The following AJAP1 variants were observed in gnomAD, a reference collection of about 807,000 sequenced individuals.
The protein encoded by AJAP1 is adherens junction-associated protein 1.
Under a neutral mutation model 35.0 loss-of-function variants are expected in AJAP1, and 5 were observed. That is an observed-to-expected ratio of 0.14 (90% confidence interval 0.07 to 0.30). The LOEUF is 0.30. AJAP1 is among the 10% of genes least tolerant of loss of function. The pLI, the probability that AJAP1 is intolerant of heterozygous loss-of-function variation, is 1.00. For missense variants in AJAP1, 586 were observed against 571.0 expected (o/e 1.03, Z -0.27); for synonymous variants, 284 against 249.3 (o/e 1.14, Z -1.31).
chr1:4,694,091 T>C (rs1639803088), intron 1 of AJAP1, among the ~76,000 whole-genome samples: 2 of 152,208 alleles, frequency 1.3e-5, no homozygotes, highest in Non-Finnish European at 2.9e-5. Flanking sequence ...GGGCTGCTCC[T>C]GGTGGCCACT....
intron 1 of AJAP1, among the ~76,000 whole-genome samples, chr1:4,706,124 G>C (rs574410098): frequency 3.9e-5 from 6 of 152,296 alleles, no homozygotes; most frequent in African/African-American, 1.4e-4. Context: ...GGGGACCGAG[G>C]GGTAGACCCT....
rs1288048557 is a variant in AJAP1, at chr1:4,752,787, G to C, written c.830-17066G>C. Among the ~76,000 whole-genome samples the C allele has an allele frequency of 4.6e-5, 7 of 152,302 alleles. No homozygotes were observed. In the East Asian group the frequency reaches 1.2e-3, roughly 25 times the overall value. ...TAATTTATTCTTCCAAGAAGAGTTT[G>C]CTTCTTGAAAGACAACTATAGAACC... On this transcript the variant is annotated intron_variant, in intron 2 of 5. Coordinates refer to ENST00000378191, the MANE Select transcript of AJAP1 (RefSeq NM_018836.4).
intron 1 of AJAP1, among the ~76,000 whole-genome samples, chr1:4,702,124 A>G (rs183532320): frequency 1.3e-5 from 2 of 151,500 alleles, no homozygotes; most frequent in African/African-American, 4.9e-5. Flanking sequence ...CAGTATTCCA[A>G]CGTGTCCCCA....
At chr1:4,725,017 C>A (rs1479626134) in intron 2 of AJAP1, among the ~76,000 whole-genome samples, 1 of 152,208 alleles carries the variant, frequency 6.6e-6, no homozygotes, top group Non-Finnish European at 1.5e-5. Context: ...CGCACACTGT[C>A]TGGCTCTGGA....
At chr1:4,747,425 GCCT>G (rs569521320) in intron 2 of AJAP1, among the ~76,000 whole-genome samples, 1 of 152,128 alleles carries the variant, frequency 6.6e-6, no homozygotes, top group South Asian at 2.1e-4. Flanking sequence ...GTTGGCCAGG[GCCT>G]CCTCCTCCTC....
rs1398719377 is a variant in AJAP1 at position 4,654,689 on chromosome 1, T to G, written c.-737T>G. 2.1e-5 allele frequency: 3 copies of G among 145,644 alleles called. No individual in the cohort carries two copies. The highest frequency in any genetic ancestry group is 4.6e-5 in the Non-Finnish European group (3 of 65,646). The allele number at this position is 145,644 out of a possible 1,614,324, so 9.0% of individuals were successfully genotyped here. ...GGGCGCGGGCGGCGGGGCCCCGGGA[T>G]CCCCGCGCGCCTCCTCCGCGCGGCG... On this transcript the variant is annotated 5_prime_UTR_variant, in exon 1 of 6. Transcript: ENST00000378191. The surrounding 1 kb of genome is among the most constrained non-coding windows in gnomAD (Gnocchi z 5.1).
intron 1 of AJAP1, among the ~76,000 whole-genome samples, chr1:4,707,313 C>A (rs981800599): frequency 6.6e-6 from 1 of 152,170 alleles, no homozygotes; most frequent in African/African-American, 2.4e-5. Context: ...TCACCTATTA[C>A]AAATGTACAG....
intron 2 of AJAP1, among the ~76,000 whole-genome samples, chr1:4,751,321 T>C (rs1401267835): frequency 6.6e-6 from 1 of 152,166 alleles, no homozygotes; most frequent in Non-Finnish European, 1.5e-5. Flanking sequence ...CGAATTCCGC[T>C]CAGTTCCAGA....
chr1:4,702,826 T>G (rs1208682483), intron 1 of AJAP1, among the ~76,000 whole-genome samples: 1 of 152,190 alleles, frequency 6.6e-6, no homozygotes, highest in African/African-American at 2.4e-5. Context: ...TCGTGGGCCT[T>G]GACCTCAGAG....
At chr1:4,700,066 G>A (rs904975518) in intron 1 of AJAP1, among the ~76,000 whole-genome samples, 4 of 152,312 alleles carry the variant, frequency 2.6e-5, no homozygotes, top group Admixed American at 6.5e-5. Context: ...TCCCCTGAGC[G>A]TCTTCCTGGC....
intron 2 of AJAP1, among the ~76,000 whole-genome samples, chr1:4,743,546 TCATC>T (rs1329476455): frequency 6.6e-6 from 1 of 152,172 alleles, no homozygotes; most frequent in Non-Finnish European, 1.5e-5. Flanking sequence ...GTTCATTCAT[TCATC>T]CATCCATCCA....
At chr1:4,776,202 C>T (rs1459553699) in intron 5 of AJAP1, among the ~76,000 whole-genome samples, 2 of 152,228 alleles carry the variant, frequency 1.3e-5, no homozygotes, top group Non-Finnish European at 2.9e-5. Context: ...TTGCCCAGTC[C>T]TCCCAGCAAT....
At chr1:4,717,003 A>AGT (rs1486742863) in intron 2 of AJAP1, among the ~76,000 whole-genome samples, 1 of 152,158 alleles carries the variant, frequency 6.6e-6, no homozygotes, top group Admixed American at 6.5e-5. Flanking sequence ...GCACTGGCAG[A>AGT]GTGTGACCGT....
At chr1:4,757,727 CTGCT>C (rs1480794370) in intron 2 of AJAP1, among the ~76,000 whole-genome samples, 1 of 152,232 alleles carries the variant, frequency 6.6e-6, no homozygotes. Flanking sequence ...GATGGGGACA[CTGCT>C]TGCTTTTGTT....
chr1:4,738,727 A>G (rs1000489211), intron 2 of AJAP1, among the ~76,000 whole-genome samples: 6 of 152,264 alleles, frequency 3.9e-5, no homozygotes, highest in African/African-American at 1.2e-4. Flanking sequence ...TGCTGGATGT[A>G]GGAGAGGCTG....
intron 1 of AJAP1, among the ~76,000 whole-genome samples, chr1:4,697,747 A>T (rs1055326464): frequency 1.3e-5 from 2 of 152,326 alleles, no homozygotes; most frequent in Non-Finnish European, 2.9e-5. Flanking sequence ...GTCTAACAAG[A>T]TGGTCCCAGG....
In AJAP1 at chr1:4,749,111, C is replaced by T. The variant is rs1172985054; in HGVS notation, c.830-20742C>T. ...GCAGTCCAGTTCGCAGTGCCCAGCT[C>T]GTTCCAGTCTTATCAACGTCATATT... is the stretch of plus-strand genomic sequence containing the variant. On this transcript the variant is annotated intron_variant, in intron 2 of 5. Coordinates refer to ENST00000378191, the MANE Select transcript of AJAP1 (RefSeq NM_018836.4). Among the ~76,000 whole-genome samples the T allele has an allele frequency of 1.3e-5, 2 of 152,188 alleles. 1 individual carries two copies.
chr1:4,776,377 T>G (rs921605414), intron 5 of AJAP1, among the ~76,000 whole-genome samples: 1 of 151,478 alleles, frequency 6.6e-6, no homozygotes, highest in African/African-American at 2.4e-5. Flanking sequence ...GTGGGGAAAC[T>G]GAGGCAGTGG....
chr1:4,770,603 A>C (rs1641812588), intron 3 of AJAP1, among the ~76,000 whole-genome samples: 1 of 152,164 alleles, frequency 6.6e-6, no homozygotes, highest in Non-Finnish European at 1.5e-5. Context: ...TCCTCCAGCA[A>C]CTGTGTCTCC....
Sources: allele counts gnomAD v4.1 joint callset (sites outside exome capture counted in the v4.1 genomes callset), GRCh38; gene constraint gnomAD v4.1.1; non-coding constraint Gnocchi (gnomAD v3.1); transcripts MANE v1.5; gene names NCBI Gene and HGNC (gene_info 2026-07-23, HGNC 2026-07-21).